SNX24: variants seen among roughly 807,000 people sequenced by gnomAD.
The protein encoded by SNX24 is sorting nexin-24.
In SNX24, 22 loss-of-function variants were observed where a neutral mutation model predicts 28.7. The observed-to-expected ratio is 0.77, with a 90% CI of 0.55 to 1.10. The LOEUF (loss-of-function observed/expected upper bound fraction) is 1.10. SNX24 is among the 50% of genes least tolerant of loss of function. The pLI is 0.00. For synonymous variants in SNX24, 69 were observed against 71.5 expected, an observed-to-expected ratio of 0.96 and a Z score of 0.18; for missense variants, 221 against 201.1, an observed-to-expected ratio of 1.10 and a Z score of -0.60.
intron 1 of SNX24, among the ~76,000 whole-genome samples, chr5:122,935,111 G>A (rs1438241150): frequency 1.3e-5 from 2 of 152,164 alleles, no homozygotes; most frequent in African/African-American, 4.8e-5. Flanking sequence ...TTGTGATAAA[G>A]CCTCAAACAA....
At chr5:122,925,821 C>T (rs558917422) in intron 1 of SNX24, among the ~76,000 whole-genome samples, 157 of 152,282 alleles carry the variant, frequency 1.0e-3, no homozygotes, top group African/African-American at 3.0e-3. Context: ...CTGCTCCTTC[C>T]TTATTTTTCA....
chr5:122,868,570 A>G (rs1265250534), intron 1 of SNX24, among the ~76,000 whole-genome samples: 2 of 152,144 alleles, frequency 1.3e-5, no homozygotes, highest in Non-Finnish European at 2.9e-5. Context: ...GCACCATTGG[A>G]TCTGCTGGAT....
At chr5:122,945,460 C>G (rs534925688) in intron 2 of SNX24, among the ~76,000 whole-genome samples, 1 of 152,204 alleles carries the variant, frequency 6.6e-6, no homozygotes, top group African/African-American at 2.4e-5. Flanking sequence ...ATATTATCCC[C>G]TAAAACTGCT....
intron 1 of SNX24, among the ~76,000 whole-genome samples, chr5:122,895,996 A>G (rs1252115966): frequency 1.3e-5 from 2 of 152,084 alleles, no homozygotes; most frequent in African/African-American, 2.4e-5. Context: ...TAAAAATACA[A>G]ACATTATCTG....
intron 2 of SNX24, among the ~76,000 whole-genome samples, chr5:122,945,551 A>T (rs1759644871): frequency 6.6e-6 from 1 of 152,212 alleles, no homozygotes; most frequent in Non-Finnish European, 1.5e-5. Flanking sequence ...CATTGAAAAG[A>T]TTAGGCCTTT....
chr5:122,951,987 A>G (rs1581789622), intron 3 of SNX24, among the ~76,000 whole-genome samples: 1 of 152,370 alleles, frequency 6.6e-6, no homozygotes, highest in African/African-American at 2.4e-5. Flanking sequence ...GCATGACGCC[A>G]CAAGAGGAAA....
At chr5:122,903,962 T>C (rs1186205232) in intron 1 of SNX24, among the ~76,000 whole-genome samples, 1 of 152,160 alleles carries the variant, frequency 6.6e-6, no homozygotes, top group Non-Finnish European at 1.5e-5. Flanking sequence ...ATATAATGCA[T>C]ATTAATATTA....
intron 3 of SNX24, among the ~76,000 whole-genome samples, chr5:122,962,847 GT>G (rs1241130620): frequency 4.6e-5 from 7 of 152,158 alleles, no homozygotes; most frequent in Non-Finnish European, 1.0e-4. Flanking sequence ...TGGTTTGACA[GT>G]GCATACTGAT....
chr5:122,889,546 C>A (rs1448657869), intron 1 of SNX24, among the ~76,000 whole-genome samples: 1 of 151,094 alleles, frequency 6.6e-6, no homozygotes, highest in African/African-American at 2.4e-5. Flanking sequence ...AGACTAAAAC[C>A]CTTTTTGTCT....
chr5:122,876,131 C>T (rs907333789), intron 1 of SNX24, among the ~76,000 whole-genome samples: 2 of 152,238 alleles, frequency 1.3e-5, no homozygotes, highest in East Asian at 3.8e-4. Context: ...AGGCATGAGT[C>T]ACAGCGCCTG....
chr5:122,931,676 A>G (rs1390958490), intron 1 of SNX24, among the ~76,000 whole-genome samples: 1 of 152,110 alleles, frequency 6.6e-6, no homozygotes, highest in Non-Finnish European at 1.5e-5. Context: ...TCCTTCATGT[A>G]TATTTCAGAT....
chr5:122,856,524 TC>T (rs1235222607), intron 1 of SNX24, among the ~76,000 whole-genome samples: 1 of 143,574 alleles, frequency 7.0e-6, no homozygotes, highest in African/African-American at 2.6e-5. Context: ...TAGTTCTGTG[TC>T]TTTTTTTTTT....
chr5:122,914,121 C>T (rs768135627), intron 1 of SNX24, among the ~76,000 whole-genome samples: 9 of 151,894 alleles, frequency 5.9e-5, no homozygotes, highest in South Asian at 2.1e-4. Flanking sequence ...AGAGGGAGAC[C>T]GTGGGGAGAG....
chr5:122,960,945 A>G (rs969983900), intron 3 of SNX24, among the ~76,000 whole-genome samples: 13 of 152,212 alleles, frequency 8.5e-5, no homozygotes, highest in African/African-American at 3.1e-4. Flanking sequence ...TTTACTTCTT[A>G]ATGGTGTTTT....
chr5:122,883,820 A>AT (rs1250831996), intron 1 of SNX24, among the ~76,000 whole-genome samples: 1 of 151,982 alleles, frequency 6.6e-6, no homozygotes, highest in Non-Finnish European at 1.5e-5. Context: ...CACCTGGCTA[A>AT]TTTTTTAAAA....
chr5:123,016,727 G>A (rs1185280023), intron 5 of SNX24, among the ~76,000 whole-genome samples: 1 of 152,118 alleles, frequency 6.6e-6, no homozygotes. Flanking sequence ...GGAAGGTAAA[G>A]GGAAGGGAGG....
chr5:123,017,446 G>C (rs574905418), intron 5 of SNX24, among the ~76,000 whole-genome samples: 1 of 146,370 alleles, frequency 6.8e-6, no homozygotes, highest in Non-Finnish European at 1.5e-5. Flanking sequence ...TTTTTTTTAA[G>C]ATAAGTCTTT....
At chr5:123,028,977 A>G (rs1015540680) in intron 5 of SNX24, 6 of 1,021,774 alleles carry the variant, frequency 5.9e-6, no homozygotes, top group Non-Finnish European at 8.5e-6. Flanking sequence ...AAATGCCTAC[A>G]GAACTTGATT....
intron 1 of SNX24, among the ~76,000 whole-genome samples, chr5:122,885,337 G>A (rs1756657783): frequency 6.6e-6 from 1 of 152,136 alleles, no homozygotes; most frequent in African/African-American, 2.4e-5. Flanking sequence ...GGTAGGGTGA[G>A]GTGGGGGTAG....
Sources: allele counts gnomAD v4.1 joint callset (sites outside exome capture counted in the v4.1 genomes callset), GRCh38; gene constraint gnomAD v4.1.1; transcripts MANE v1.5; gene names NCBI Gene and HGNC (gene_info 2026-07-23, HGNC 2026-07-21).